PTPRJ: variants seen among roughly 807,000 people sequenced by gnomAD.
The protein encoded by PTPRJ is receptor-type tyrosine-protein phosphatase eta.
In PTPRJ, 129 loss-of-function variants were observed where a neutral mutation model predicts 141.3. The observed-to-expected ratio is 0.91, with a 90% CI of 0.79 to 1.06. PTPRJ has a LOEUF of 1.06. Ranked by LOEUF, PTPRJ falls within the 50% of genes least tolerant of loss-of-function variation. The pLI, the probability that PTPRJ is intolerant of heterozygous loss-of-function variation, is 0.00. For missense variants in PTPRJ, 1,601 were observed against 1,679.7 expected, an observed-to-expected ratio of 0.95 and a Z score of 0.82; for synonymous variants, 610 against 640.5, an observed-to-expected ratio of 0.95 and a Z score of 0.72.
At chr11:47,989,349 C>T (rs112883455) in intron 1 of PTPRJ, among the ~76,000 whole-genome samples, 2,648 of 151,606 alleles carry the variant, frequency 0.017, 34 homozygotes, top group Non-Finnish European at 0.029. Flanking sequence ...TCACTGCAAC[C>T]TCCACCTCCC....
chr11:48,016,963 G>T (rs748505827), intron 1 of PTPRJ, among the ~76,000 whole-genome samples: 1 of 151,678 alleles, frequency 6.6e-6, no homozygotes, highest in Non-Finnish European at 1.5e-5. Context: ...AGGGTCTCAT[G>T]TTGTGGCCCA....
intron 1 of PTPRJ, among the ~76,000 whole-genome samples, chr11:48,047,498 A>ATTTTT (rs58387057): frequency 6.8e-6 from 1 of 146,616 alleles, no homozygotes; most frequent in Non-Finnish European, 1.5e-5. Flanking sequence ...ACCTATGGTA[A>ATTTTT]TTTTTTTTTT....
chr11:48,064,172 C>T (rs940592804), intron 1 of PTPRJ, among the ~76,000 whole-genome samples: 2 of 152,150 alleles, frequency 1.3e-5, no homozygotes, highest in Admixed American at 6.5e-5. Context: ...CCAAAGTACA[C>T]GGGCTCTTTT....
chr11:48,160,045 A>C lies in PTPRJ; in HGVS notation c.3554A>C (p.Lys1185Thr). The change falls in exon 22 of 25, where the codon AAA becomes ACA. Residue 1185 changes from lysine to threonine, a missense_variant. Physicochemically the swap from Lys to Thr is moderately conservative, Grantham distance 78. Coordinates refer to ENST00000418331, the MANE Select transcript of PTPRJ (RefSeq NM_002843.4). ...TGGACCATCAGAGATTTCACAGTGA[A>C]AAATGTAAGTAAGAAGTCAGGATCA... ...PEWTIRDFTVKNIQTSESHPL... is the reference protein window; with the variant it reads ...PEWTIRDFTVTNIQTSESHPL... 3 of 1,613,890 alleles carry C rather than the reference A, an allele frequency of 1.9e-6. No homozygotes were observed. In the South Asian group the frequency reaches 3.3e-5, roughly 18 times the overall value.
chr11:47,980,936 G>A lies in PTPRJ; in HGVS notation c.24G>A (p.Ala8=). Residue 8 remains alanine (A), a synonymous_variant, in exon 1 of 25, where the codon GCG becomes GCA. Coordinates refer to ENST00000418331, the MANE Select transcript of PTPRJ (RefSeq NM_002843.4). MKPAARE[A]RLPPRSPGLR... is the part of the protein sequence containing the mutation. ...GCATGAAGCCGGCGGCGCGGGAGGC[G>A]CGGCTGCCTCCGCGCTCGCCCGGGC... 3.4e-6 allele frequency: 4 copies of A among 1,189,590 alleles called. No individual in the cohort carries two copies. The highest frequency in any genetic ancestry group is 4.2e-6 in the Non-Finnish European group (4 of 961,338). 73.7% of individuals were successfully genotyped at this position (1,189,590 alleles called of 1,614,324 possible).
intron 1 of PTPRJ, among the ~76,000 whole-genome samples, chr11:48,009,208 A>C (rs1854708408): frequency 6.6e-6 from 1 of 152,228 alleles, no homozygotes; most frequent in Admixed American, 6.5e-5. Flanking sequence ...TGCAGTCATT[A>C]CCAACGCACT....
At chr11:48,130,377 A>T (rs1375285636) in intron 7 of PTPRJ, 82 bp from the exon 8 acceptor site, 3 of 1,378,694 alleles carry the variant, frequency 2.2e-6, no homozygotes, top group East Asian at 4.6e-5. Flanking sequence ...TGTACATTTC[A>T]TCTCAGTATT....
At chr11:48,155,083 T>C (rs1857570407) in intron 19 of PTPRJ, among the ~76,000 whole-genome samples, 1 of 152,228 alleles carries the variant, frequency 6.6e-6, no homozygotes, top group Admixed American at 6.5e-5. Context: ...AGGTTATTAT[T>C]TCATCTCTTA....
intron 1 of PTPRJ, among the ~76,000 whole-genome samples, chr11:47,997,008 A>G (rs923179725): frequency 1.1e-4 from 16 of 152,176 alleles, no homozygotes; most frequent in African/African-American, 3.6e-4. Context: ...TAGGCTTTGC[A>G]CCTATCCCAC....
At chr11:47,984,855 G>A (rs1403109321) in intron 1 of PTPRJ, among the ~76,000 whole-genome samples, 5 of 151,238 alleles carry the variant, frequency 3.3e-5, no homozygotes, top group East Asian at 1.9e-4. Context: ...CACTGTGCCC[G>A]GCCTTTTTTT....
At chr11:48,162,649 C>T (rs1461770939) in intron 22 of PTPRJ, among the ~76,000 whole-genome samples, 1 of 152,168 alleles carries the variant, frequency 6.6e-6, no homozygotes, top group African/African-American at 2.4e-5. Context: ...GATGGAAATG[C>T]CTGCAGTGCA....
intron 1 of PTPRJ, among the ~76,000 whole-genome samples, chr11:48,022,412 C>T (rs1397327474): frequency 1.3e-5 from 2 of 151,470 alleles, no homozygotes; most frequent in Non-Finnish European, 2.9e-5. Context: ...TGCAGCGAGC[C>T]GAGATCGTGC....
Position 48,167,199 on chromosome 11 carries a change from A to G in PTPRJ, c.3856-5A>G, listed in dbSNP as rs1401739134. The G allele has an allele frequency of 1.9e-6, 3 of 1,606,068 alleles. No individual in the cohort carries two copies. The highest frequency in any genetic ancestry group is 1.7e-5 in the Admixed American group (1 of 58,730). ...TTCTGTCTCTCTCTTTCGTTTTTCT[A>G]TCAGGACCAGTATGTTTTCCTCAAT... On this transcript the variant is annotated splice_polypyrimidine_tract_variant and splice_region_variant and intron_variant, in intron 24 of 24. Transcript: ENST00000418331.
intron 1 of PTPRJ, among the ~76,000 whole-genome samples, chr11:48,064,682 C>T (rs184819348): frequency 1.3e-5 from 2 of 152,254 alleles, no homozygotes; most frequent in African/African-American, 4.8e-5. Context: ...CAGTTCACTG[C>T]AACCACCGCC....
At chr11:48,155,173 C>G (rs1323208246) in intron 19 of PTPRJ, among the ~76,000 whole-genome samples, 3 of 152,132 alleles carry the variant, frequency 2.0e-5, no homozygotes, top group African/African-American at 4.8e-5. Flanking sequence ...GACCCTCCTA[C>G]TCATAGTAGT....
At chr11:48,079,442 G>C (rs1383524814) in intron 1 of PTPRJ, among the ~76,000 whole-genome samples, 1 of 152,098 alleles carries the variant, frequency 6.6e-6, no homozygotes, top group Non-Finnish European at 1.5e-5. Flanking sequence ...TTGTGTGTGT[G>C]AGTGATGCTG....
intron 10 of PTPRJ, 101 bp from the exon 11 acceptor site, chr11:48,139,385 C>A: frequency 7.7e-7 from 1 of 1,294,870 alleles, no homozygotes; most frequent in Non-Finnish European, 1.1e-6. Context: ...CACCACATCA[C>A]CCACCCACCT....
chr11:47,994,857 G>A (rs1367712984), intron 1 of PTPRJ, among the ~76,000 whole-genome samples: 1 of 152,038 alleles, frequency 6.6e-6, no homozygotes. Context: ...TACCACATTT[G>A]CATCAGGATT....
At chr11:48,130,761 G>C in intron 8 of PTPRJ, 45 bp downstream of exon 8, 1 of 1,505,854 alleles carries the variant, frequency 6.6e-7, no homozygotes, top group Non-Finnish European at 9.0e-7. Flanking sequence ...TTTCTTAAAG[G>C]AAATCAGTAT....
Sources: allele counts gnomAD v4.1 joint callset (sites outside exome capture counted in the v4.1 genomes callset), GRCh38; gene constraint gnomAD v4.1.1; transcripts MANE v1.5; gene names NCBI Gene and HGNC (gene_info 2026-07-23, HGNC 2026-07-21).